Variants in PPA1 observed in about 807,000 individuals in gnomAD.
PPA1 encodes inorganic pyrophosphatase 1.
PPA1 carries 23 observed loss-of-function variants against 41.8 expected under a neutral mutation model. The observed-to-expected ratio is 0.55, with a 90% CI of 0.40 to 0.78. PPA1 has a LOEUF of 0.78. PPA1 is among the 30% of genes least tolerant of loss of function. The pLI is 0.00. For synonymous variants in PPA1, 101 were observed against 116.8 expected (o/e 0.86, Z 0.87); for missense variants, 320 against 361.6 (o/e 0.89, Z 0.93).
chr10:70,229,597 T>A (rs1363703384), intron 2 of PPA1, among the ~76,000 whole-genome samples: 1 of 147,600 alleles, frequency 6.8e-6, no homozygotes. Context: ...CTATCTTAAC[T>A]GTGCAAATCT....
At chr10:70,203,257 A>T in intron 10 of PPA1, 71 bp from the exon 11 acceptor site, 2 of 1,301,906 alleles carry the variant, frequency 1.5e-6, no homozygotes, top group Admixed American at 3.6e-5. Context: ...ACATATAACA[A>T]AGACTAATAT....
intron 4 of PPA1, among the ~76,000 whole-genome samples, chr10:70,214,928 C>T (rs564864544): frequency 6.6e-6 from 1 of 152,330 alleles, no homozygotes; most frequent in African/African-American, 2.4e-5. Context: ...GGTATGATGG[C>T]TCATGCCTGT....
At chr10:70,223,501 C>A (rs1840198066) in intron 2 of PPA1, among the ~76,000 whole-genome samples, 1 of 152,132 alleles carries the variant, frequency 6.6e-6, no homozygotes, top group South Asian at 2.1e-4. Context: ...ACTACAGGTG[C>A]AAGCCATCCT....
chr10:70,230,238 A>C, intron 2 of PPA1, 103 bp downstream of exon 2: 1 of 1,346,890 alleles, frequency 7.4e-7, no homozygotes. Flanking sequence ...TCACAGCACA[A>C]CGAGGCATTT....
In PPA1 at chr10:70,227,578, G is replaced by A. The variant is rs186944102; in HGVS notation, c.123+2763C>T. On this transcript the variant is annotated intron_variant, in intron 2 of 10. Coordinates refer to ENST00000373232, the MANE Select transcript of PPA1 (RefSeq NM_021129.4). ...GAGCAGGAGGATCACTTGTGCCTGA[G>A]AGGTTGAAGCTGCAGTAAGCCAAGA... Among the ~76,000 whole-genome samples, 3 of 147,366 alleles carry A rather than the reference G, an allele frequency of 2.0e-5. No homozygotes were observed. In the Admixed American group the frequency reaches 2.1e-4, roughly 10 times the overall value.
rs1011911224 is a variant in PPA1 at position 70,213,603 on chromosome 10, G to C, written c.385-14C>G. On this transcript the variant is annotated splice_polypyrimidine_tract_variant and intron_variant, in intron 5 of 10. Transcript: ENST00000373232. The stretch of plus-strand genomic sequence containing the variant: ...TCTTGCACATACCTGAGAGTCAATA[G>C]CCAAAGTCAGGACAACATTACAGAA... 1 of 1,612,668 alleles carries C rather than the reference G, an allele frequency of 6.2e-7. No homozygotes were observed. Among genetic ancestry groups the C allele is most frequent in the Non-Finnish European group, 8.5e-7 (1 of 1,179,208 alleles).
chr10:70,203,136 G>T lies in PPA1; in HGVS notation c.*19C>A, dbSNP rs1351927581. 1.2e-6 allele frequency: 2 copies of T among 1,600,580 alleles called. No individual in the cohort carries two copies. The highest frequency in any genetic ancestry group is 2.2e-5 in the South Asian group (2 of 90,788). ...GAACACGATGTAGCAATATCAGCTT[G>T]TATTCCAGAGAAATCTCATTAGTTT... On this transcript the variant is annotated 3_prime_UTR_variant, in exon 11 of 11. Transcript: ENST00000373232.
At chr10:70,225,022 C>T (rs1005474781) in intron 2 of PPA1, among the ~76,000 whole-genome samples, 10 of 152,178 alleles carry the variant, frequency 6.6e-5, no homozygotes, top group South Asian at 2.1e-4. Context: ...TGAGCCACCG[C>T]GCCCAGCATT....
intron 4 of PPA1, among the ~76,000 whole-genome samples, chr10:70,217,207 A>C (rs1479567968): frequency 6.6e-6 from 1 of 152,142 alleles, no homozygotes; most frequent in East Asian, 1.9e-4. Context: ...TACTTAAGAA[A>C]ACATGATCCT....
At chr10:70,219,522 C>G (rs1840112111) in intron 2 of PPA1, among the ~76,000 whole-genome samples, 1 of 152,168 alleles carries the variant, frequency 6.6e-6, no homozygotes, top group Non-Finnish European at 1.5e-5. Context: ...CTTGGTCATA[C>G]TTTAGTTTTA....
At chr10:70,209,524 G>A (rs1277098706) in intron 7 of PPA1, 34 bp downstream of exon 7, 1 of 1,564,022 alleles carries the variant, frequency 6.4e-7, no homozygotes, top group South Asian at 1.2e-5. Context: ...CAATACAAAT[G>A]AGCCTAAAGC....
At chr10:70,204,682 G>T in intron 10 of PPA1, 191 bp downstream of exon 10, 1 of 499,740 alleles carries the variant, frequency 2.0e-6, no homozygotes, top group Non-Finnish European at 3.5e-6. Context: ...AACAAATAAT[G>T]ATTAAGTATG....
intron 5 of PPA1, among the ~76,000 whole-genome samples, chr10:70,213,947 C>T (rs1353803009): frequency 6.6e-6 from 1 of 152,124 alleles, no homozygotes; most frequent in East Asian, 1.9e-4. Flanking sequence ...ATGAGTTAAG[C>T]AAGTCATACG....
chr10:70,217,156 T>C (rs1840090025), intron 4 of PPA1, among the ~76,000 whole-genome samples: 1 of 150,170 alleles, frequency 6.7e-6, no homozygotes, highest in Non-Finnish European at 1.5e-5. Flanking sequence ...AGACTCCATC[T>C]CAAAAAAAAA....
At chr10:70,221,019 A>T (rs868371476) in intron 2 of PPA1, among the ~76,000 whole-genome samples, 5 of 68,154 alleles carry the variant, frequency 7.3e-5, no homozygotes, top group Non-Finnish European at 1.2e-4. Context: ...TATATAATTT[A>T]TATATATAAT....
rs778756421 is a variant in PPA1 at position 70,206,348 on chromosome 10, A to G, written c.726-15T>C. ...TTGTATTCATGCTATTAAATAAAAC[A>G]AAAGTAGTCATAAGACAAAATAACA... On this transcript the variant is annotated splice_polypyrimidine_tract_variant and intron_variant, in intron 8 of 10. Transcript: ENST00000373232. 2.4e-5 allele frequency: 38 copies of G among 1,589,100 alleles called. No homozygotes were observed. Among genetic ancestry groups the G allele is most frequent in the Non-Finnish European group, 3.3e-5 (38 of 1,157,906 alleles).
In PPA1 at chr10:70,233,402, C is replaced by G. The variant is rs1038950686; in HGVS notation, c.-75G>C. On this transcript the variant is annotated 5_prime_UTR_variant, in exon 1 of 11. Transcript: ENST00000373232. The stretch of plus-strand genomic sequence containing the variant: ...GCGGCGCCGACTGACAAGGAGAGAG[C>G]CCCACGCCTGCGCACTGCGAGCACT... 17 of 1,508,300 alleles carry G rather than the reference C, an allele frequency of 1.1e-5. No individual in the cohort carries two copies. The highest frequency in any genetic ancestry group is 1.5e-5 in the Non-Finnish European group (17 of 1,133,718). 93.4% of individuals were successfully genotyped at this position (1,508,300 alleles called of 1,614,324 possible).
At position 70,209,274 on chromosome 10, in the gene PPA1, A is replaced by G. The variant is rs931362858; in HGVS notation, c.656T>C (p.Ile219Thr). 6.3e-7 allele frequency: 1 copy of G among 1,593,090 alleles called. No individual in the cohort carries two copies. Among genetic ancestry groups the G allele is most frequent in the African/African-American group, 1.3e-5 (1 of 74,438 alleles). ...EFKDKDFAIDIIKSTHDHWKA... is the reference protein window; with the variant it reads ...EFKDKDFAIDTIKSTHDHWKA... ...CCAATGGTCATGAGTGCTTTTAATAATATCAATGGCAAAGTCCTATAATTT... is the reference window on the plus strand; with the variant it reads ...CCAATGGTCATGAGTGCTTTTAATAGTATCAATGGCAAAGTCCTATAATTT... Residue 219 changes from isoleucine (I) to threonine (T), a missense_variant, in exon 8 of 11, where the codon ATT becomes ACT. Physicochemically the swap from Ile to Thr is moderately conservative, Grantham distance 89 (BLOSUM62 -1). Coordinates refer to ENST00000373232, the MANE Select transcript of PPA1 (RefSeq NM_021129.4).
rs904461271 is a variant in PPA1 at position 70,214,592 on chromosome 10, A to C, written c.298-6T>G. The C allele has an allele frequency of 1.2e-6, 2 of 1,605,224 alleles. No homozygotes were observed. The highest frequency in any genetic ancestry group is 1.7e-6 in the Non-Finnish European group (2 of 1,172,278). Reference sequence around the variant, plus strand: ...TGCCCTGGGTCTTCCCAAGTCTAAAAATATAAGACAGTGTATATCATTCCT... The same window carrying C: ...TGCCCTGGGTCTTCCCAAGTCTAAACATATAAGACAGTGTATATCATTCCT... On this transcript the variant is annotated splice_polypyrimidine_tract_variant and splice_region_variant and intron_variant, in intron 4 of 10. Coordinates refer to ENST00000373232, the MANE Select transcript of PPA1 (RefSeq NM_021129.4).
Sources: allele counts gnomAD v4.1 joint callset (sites outside exome capture counted in the v4.1 genomes callset), GRCh38; gene constraint gnomAD v4.1.1; transcripts MANE v1.5; gene names NCBI Gene and HGNC (gene_info 2026-07-23, HGNC 2026-07-21).